FHIT: variants seen among roughly 807,000 people sequenced by gnomAD.
FHIT encodes fragile histidine triad diadenosine triphosphatase.
In FHIT, 19 loss-of-function variants were observed where a neutral mutation model predicts 17.9. The ratio of observed to expected loss-of-function variants is 1.06; its 90% CI spans 0.74 to 1.56. The LOEUF (loss-of-function observed/expected upper bound fraction) is 1.56, where lower values mean the gene tolerates loss of function less well. Among genes scored for constraint, FHIT ranks in the 40% most tolerant of loss-of-function variants. The probability of loss-of-function intolerance (pLI) is 0.00; values close to 1 mark genes in which losing one functional copy is unlikely to be tolerated. For missense variants in FHIT, 248 were observed against 189.2 expected, an observed-to-expected ratio of 1.31 and a Z score of -1.82; for synonymous variants, 81 against 69.7, an observed-to-expected ratio of 1.16 and a Z score of -0.81.
intron 3 of FHIT, among the ~76,000 whole-genome samples, chr3:60,936,470 A>T (rs1200227114): frequency 6.6e-6 from 1 of 152,236 alleles, no homozygotes; most frequent in African/African-American, 2.4e-5. Context: ...ACATTAGGGC[A>T]GATCAATACA....
intron 4 of FHIT, among the ~76,000 whole-genome samples, chr3:60,729,601 A>G (rs2041987708): frequency 6.6e-6 from 1 of 152,188 alleles, no homozygotes; most frequent in Non-Finnish European, 1.5e-5. Flanking sequence ...ATTGTTTCTC[A>G]TAAGGACTCA....
intron 1 of FHIT, among the ~76,000 whole-genome samples, chr3:61,209,330 A>G (rs1446146353): frequency 6.6e-6 from 1 of 152,054 alleles, no homozygotes; most frequent in African/African-American, 2.4e-5. Flanking sequence ...TCTTTCTGGC[A>G]TTCTCTGTAT....
chr3:60,113,352 A>G (rs866555898), intron 5 of FHIT, among the ~76,000 whole-genome samples: 1 of 152,094 alleles, frequency 6.6e-6, no homozygotes, highest in Non-Finnish European at 1.5e-5. Flanking sequence ...AACCTTACCA[A>G]TAAAATGCTT....
chr3:60,257,247 T>C (rs1706046465), intron 5 of FHIT, among the ~76,000 whole-genome samples: 1 of 152,202 alleles, frequency 6.6e-6, no homozygotes, highest in South Asian at 2.1e-4. Flanking sequence ...CTGAAAATGT[T>C]CTTCTAACAT....
At chr3:61,188,747 C>T (rs1242624558) in intron 2 of FHIT, among the ~76,000 whole-genome samples, 2 of 152,088 alleles carry the variant, frequency 1.3e-5, no homozygotes, top group South Asian at 2.1e-4. Flanking sequence ...ATCAAGTGGG[C>T]TTCATCCCTG....
At chr3:60,784,524 T>C (rs1266257184) in intron 4 of FHIT, among the ~76,000 whole-genome samples, 1 of 152,054 alleles carries the variant, frequency 6.6e-6, no homozygotes, top group Non-Finnish European at 1.5e-5. Context: ...TTAGTAGAGA[T>C]GGGGTTTTGC....
intron 3 of FHIT, among the ~76,000 whole-genome samples, chr3:60,991,335 G>T (rs995632983): frequency 7.2e-5 from 11 of 152,324 alleles, no homozygotes; most frequent in African/African-American, 2.4e-4. Flanking sequence ...GTCAGGGAGT[G>T]GGGGCAGGAG....
intron 5 of FHIT, among the ~76,000 whole-genome samples, chr3:60,429,606 T>C (rs1249562180): frequency 6.6e-6 from 1 of 152,124 alleles, no homozygotes; most frequent in African/African-American, 2.4e-5. Context: ...AGGGTATCTA[T>C]CACACAGTGA....
In FHIT at chr3:60,599,675, AG is replaced by A. The variant is rs544177495; in HGVS notation, c.-17-62697del. Among the ~76,000 whole-genome samples, 25 of 93,914 alleles carry A rather than the reference AG, an allele frequency of 2.7e-4. No homozygotes were observed. The East Asian group carries it at 6.5e-3, about 25-fold the overall frequency. The allele number at this position is 93,914 out of a possible 152,430, so 61.6% of individuals were successfully genotyped here. On this transcript the variant is annotated intron_variant, in intron 4 of 9. Coordinates refer to ENST00000492590, the MANE Select transcript of FHIT (RefSeq NM_002012.4). Reference sequence around the variant, plus strand: ...CTCCCAAGGAAGTAAAATGCTAAAAAGGACAAGTTAAAAAAAAAAAAAGGAA... The same window carrying A: ...CTCCCAAGGAAGTAAAATGCTAAAAAGACAAGTTAAAAAAAAAAAAAGGAA...
chr3:60,645,649 G>A (rs566625379), intron 4 of FHIT, among the ~76,000 whole-genome samples: 4 of 152,096 alleles, frequency 2.6e-5, no homozygotes, highest in Admixed American at 6.5e-5. Flanking sequence ...TCTTTTGGTC[G>A]CTGTATTATG....
intron 7 of FHIT, among the ~76,000 whole-genome samples, chr3:59,951,219 T>C (rs553900224): frequency 6.6e-6 from 1 of 152,300 alleles, no homozygotes; most frequent in East Asian, 1.9e-4. Flanking sequence ...CTAATGTGTG[T>C]TCCCTTCCTA....
intron 8 of FHIT, among the ~76,000 whole-genome samples, chr3:59,836,288 C>G (rs1701337645): frequency 6.6e-6 from 1 of 152,184 alleles, no homozygotes; most frequent in East Asian, 1.9e-4. Flanking sequence ...GCTGGGCATT[C>G]TTATCCTTTG....
rs2107134193 is a variant in FHIT at position 59,910,179 on chromosome 3, C to T, written c.348+12167G>A. 2.0e-5 allele frequency among the ~76,000 whole-genome samples: 3 copies of T among 152,284 alleles called. No individual in the cohort carries two copies. In the South Asian group the frequency reaches 6.2e-4, roughly 32 times the overall value. ...GAGACATGAGGCATCAATCAACATA[C>T]ATAAGATGAGCAATGGTTCATTCTG... On this transcript the variant is annotated intron_variant, in intron 8 of 9. Transcript: ENST00000492590.
chr3:60,630,597 C>T lies in FHIT; in HGVS notation c.-17-93618G>A, dbSNP rs574956966. Among the ~76,000 whole-genome samples, 22 of 152,234 alleles carry T rather than the reference C, an allele frequency of 1.4e-4. No homozygotes were observed. The South Asian group carries it at 3.1e-3, about 22-fold the overall frequency. On this transcript the variant is annotated intron_variant, in intron 4 of 9. Transcript: ENST00000492590. ...GTTCTAGATGCAAGAGACACTTAACCCAGCATTTGTCTTAGCAGTGTCTGC... is the reference window on the plus strand; with the variant it reads ...GTTCTAGATGCAAGAGACACTTAACTCAGCATTTGTCTTAGCAGTGTCTGC...
intron 4 of FHIT, among the ~76,000 whole-genome samples, chr3:60,693,187 C>G (rs1474668614): frequency 6.6e-6 from 1 of 152,194 alleles, no homozygotes; most frequent in Admixed American, 6.5e-5. Flanking sequence ...TAATTTCATT[C>G]ATTCTTCAAT....
chr3:60,022,861 A>G (rs1700602356), intron 5 of FHIT, among the ~76,000 whole-genome samples: 2 of 152,228 alleles, frequency 1.3e-5, no homozygotes. Context: ...TTAATGATAT[A>G]GAAGTCATTT....
intron 8 of FHIT, among the ~76,000 whole-genome samples, chr3:59,879,590 C>T (rs1016340792): frequency 1.3e-5 from 2 of 152,080 alleles, no homozygotes; most frequent in South Asian, 2.1e-4. Flanking sequence ...TATGACAAAA[C>T]CGGACTGCTC....
chr3:59,915,270 A>G (rs570557521), intron 8 of FHIT, among the ~76,000 whole-genome samples: 1 of 152,342 alleles, frequency 6.6e-6, no homozygotes, highest in South Asian at 2.1e-4. Flanking sequence ...TCGTGAAATA[A>G]TGAGAGAGGA....
intron 4 of FHIT, among the ~76,000 whole-genome samples, chr3:60,810,662 G>A (rs930865020): frequency 5.9e-5 from 9 of 152,130 alleles, no homozygotes; most frequent in African/African-American, 2.2e-4. Flanking sequence ...TTAACTCTCT[G>A]TCACTCTCCA....
Sources: gnomAD v4.1 joint callset for allele counts (sites outside exome capture counted in the v4.1 genomes callset) on GRCh38, gnomAD v4.1.1 for gene constraint, MANE v1.5 for transcripts, NCBI Gene and HGNC (gene_info 2026-07-23, HGNC 2026-07-21) for gene names.